ARHGAP39: variants seen among roughly 807,000 people sequenced by gnomAD.
ARHGAP39 encodes Rho GTPase activating protein 39.
Under a neutral mutation model 106.9 loss-of-function variants are expected in ARHGAP39, and 44 were observed. That is an observed-to-expected ratio of 0.41 (90% CI 0.32 to 0.53). ARHGAP39 has a LOEUF of 0.53. Ranked by LOEUF, ARHGAP39 falls within the 20% of genes least tolerant of loss-of-function variation. ARHGAP39 has a pLI of 0.21. For synonymous variants in ARHGAP39, 768 were observed against 693.2 expected, an observed-to-expected ratio of 1.11 and a Z score of -1.69; for missense variants, 1,496 against 1,577.3, an observed-to-expected ratio of 0.95 and a Z score of 0.87.
rs995235741 is a variant in ARHGAP39, at chr8:144,604,962, A to G, written c.80+573T>C. On this transcript the variant is annotated intron_variant, in intron 2 of 11. Coordinates refer to ENST00000377307, the MANE Select transcript of ARHGAP39 (RefSeq NM_025251.3). This position sits in a 1 kb window ranked among gnomAD's most constrained non-coding sequence, Gnocchi z 4.1. ...TTCTGGAAGCATGAAATTATTTCCA[A>G]ATAAAAGCCTAGAAATCAGGGCAGA... Among the ~76,000 whole-genome samples, 2 of 152,226 alleles carry G rather than the reference A, an allele frequency of 1.3e-5. No homozygotes were observed. The highest frequency in any genetic ancestry group is 4.8e-5 in the African/African-American group (2 of 41,466).
chr8:144,600,842 C>G (rs895845836), intron 2 of ARHGAP39, among the ~76,000 whole-genome samples: 6 of 146,566 alleles, frequency 4.1e-5, no homozygotes, highest in African/African-American at 1.5e-4. Context: ...TGTGTGTGCT[C>G]GTGTACCTGT....
Position 144,585,115 on chromosome 8 carries a change from C to T in ARHGAP39, c.81-3838G>A, listed in dbSNP as rs1266351052. On this transcript the variant is annotated intron_variant, in intron 2 of 11. Coordinates refer to ENST00000377307, the MANE Select transcript of ARHGAP39 (RefSeq NM_025251.3). The surrounding 1 kb of genome is among the most constrained non-coding windows in gnomAD (Gnocchi z 4.6). ...TCCAGGTGTCTGAAGGGCTTAGACG[C>T]CCTCTCCCGATTGGCCCTGTGTCCC... 6.6e-6 allele frequency among the ~76,000 whole-genome samples: 1 copy of T among 152,124 alleles called. No individual in the cohort carries two copies. The highest frequency in any genetic ancestry group is 1.5e-5 in the Non-Finnish European group (1 of 68,020).
chr8:144,580,605 C>G (rs1396787446), intron 3 of ARHGAP39, among the ~76,000 whole-genome samples: 1 of 151,718 alleles, frequency 6.6e-6, no homozygotes, highest in Non-Finnish European at 1.5e-5. Flanking sequence ...CCCACCATAC[C>G]TGACCTACTC....
At chr8:144,630,041 C>G (rs1821023200) in intron 1 of ARHGAP39, among the ~76,000 whole-genome samples, 1 of 152,212 alleles carries the variant, frequency 6.6e-6, no homozygotes. Flanking sequence ...CCAGCCCCAA[C>G]AGGCCCCTGG....
chr8:144,606,898 TC>T (rs1252610178), intron 1 of ARHGAP39, among the ~76,000 whole-genome samples: 1 of 151,494 alleles, frequency 6.6e-6, no homozygotes, highest in African/African-American at 2.4e-5. Flanking sequence ...GGCACAAATA[TC>T]TTAATTGGAC....
rs1005695293 is a variant in ARHGAP39, at chr8:144,573,181, T to C, written c.512+7665A>G. On this transcript the variant is annotated intron_variant, in intron 3 of 11. Transcript: ENST00000377307. ...GTGTTTATTGAAGCACTAGTCACAA[T>C]AGCAAAGACTTGGAACCAACCCAAA... Among the ~76,000 whole-genome samples, 17 of 152,296 alleles carry C rather than the reference T, an allele frequency of 1.1e-4. No individual in the cohort carries two copies. In the South Asian group the frequency reaches 1.9e-3, roughly 17 times the overall value.
intron 1 of ARHGAP39, among the ~76,000 whole-genome samples, chr8:144,624,630 CT>C (rs1820895634): frequency 1.7e-5 from 2 of 117,654 alleles, no homozygotes; most frequent in African/African-American, 6.5e-5. Flanking sequence ...TCACGGAGCA[CT>C]CACTGCACAC....
At chr8:144,605,429 A>C (rs895229539) in intron 2 of ARHGAP39, 106 bp downstream of exon 2, 1 of 1,234,998 alleles carries the variant, frequency 8.1e-7, no homozygotes, top group Admixed American at 1.9e-5. Flanking sequence ...CGACGAATCC[A>C]TTCTCCACGG....
intron 3 of ARHGAP39, among the ~76,000 whole-genome samples, chr8:144,572,205 C>CA (rs1348136673): frequency 2.7e-4 from 41 of 152,312 alleles, no homozygotes; most frequent in African/African-American, 8.7e-4. Flanking sequence ...CTGGAGGCAT[C>CA]ATGCTGCCTG....
chr8:144,620,769 G>A (rs376734729), intron 1 of ARHGAP39, among the ~76,000 whole-genome samples: 8 of 152,244 alleles, frequency 5.3e-5, no homozygotes, highest in South Asian at 4.1e-4. Flanking sequence ...ATCCACCTGC[G>A]TCTCCAGGAC....
At chr8:144,537,198 G>C (rs1385445441) in intron 7 of ARHGAP39, among the ~76,000 whole-genome samples, 1 of 152,088 alleles carries the variant, frequency 6.6e-6, no homozygotes, top group Non-Finnish European at 1.5e-5. Context: ...GGGTGCTGGT[G>C]GGGAGGGTGG....
chr8:144,551,314 G>A (rs1259064726), intron 4 of ARHGAP39, among the ~76,000 whole-genome samples: 1 of 152,198 alleles, frequency 6.6e-6, no homozygotes, highest in Non-Finnish European at 1.5e-5. Flanking sequence ...TCTCAGGAAC[G>A]GACATGGGTT....
At position 144,530,540 on chromosome 8, in the gene ARHGAP39, C is replaced by A; in HGVS notation, c.3227G>T (p.Cys1076Phe). Residue 1076 changes from cysteine to phenylalanine, a missense_variant, in exon 12 of 12, where the codon TGC becomes TTC. Cys to Phe is a radical substitution (Grantham distance 205, BLOSUM62 -2). Around this residue, in one of 4 missense-constraint regions of ARHGAP39, gnomAD observed 470 missense variants for 605.1 expected, o/e 0.78. Transcript: ENST00000377307. ...SNLAMVMAPN[C>F]LRCQSDDPRV... ...CGGGTCGTCGGACTGGCAGCGCAAG[C>A]AGTTGGGCGCCATCACCATGGCCAG... 6.2e-7 allele frequency: 1 copy of A among 1,611,766 alleles called. No homozygotes were observed. Among genetic ancestry groups the A allele is most frequent in the Non-Finnish European group, 8.5e-7 (1 of 1,179,680 alleles).
intron 3 of ARHGAP39, among the ~76,000 whole-genome samples, chr8:144,565,253 G>A (rs1173192410): frequency 6.6e-6 from 1 of 152,172 alleles, no homozygotes; most frequent in African/African-American, 2.4e-5. Flanking sequence ...ACTCCAGCCT[G>A]GGCAACGGCA....
chr8:144,636,352 T>C (rs1320052069), intron 1 of ARHGAP39, among the ~76,000 whole-genome samples: 2 of 152,162 alleles, frequency 1.3e-5, no homozygotes. Flanking sequence ...GGTAGGAAAA[T>C]GTAAACTCAC....
chr8:144,534,233 T>A, intron 7 of ARHGAP39, 31 bp from the exon 8 acceptor site: 1 of 1,606,704 alleles, frequency 6.2e-7, no homozygotes, highest in South Asian at 1.1e-5. Context: ...ATCAGCCTGA[T>A]GTGGGTGTGT....
chr8:144,697,315 C>CA, the ARHGAP39 span, among the ~76,000 whole-genome samples: 97 of 119,122 alleles, frequency 8.1e-4, no homozygotes, highest in Middle Eastern at 4.5e-3. Context: ...AGATCCCTCT[C>CA]AAAAAAAAAA....
intron 2 of ARHGAP39, among the ~76,000 whole-genome samples, chr8:144,600,204 C>T (rs894389436): frequency 4.4e-5 from 6 of 136,218 alleles, no homozygotes; most frequent in Admixed American, 7.3e-5. Context: ...CCTGCGTGTG[C>T]GTGTGTGTGG....
chr8:144,614,630 G>A (rs1239075728), intron 1 of ARHGAP39, among the ~76,000 whole-genome samples: 1 of 152,234 alleles, frequency 6.6e-6, no homozygotes. Context: ...TGGGATTACA[G>A]GTGTGAGCCA....
Sources: gnomAD v4.1 joint callset for allele counts (sites outside exome capture counted in the v4.1 genomes callset) on GRCh38, gnomAD v4.1.1 for gene constraint, gnomAD v4.1.1 regional missense constraint, Gnocchi (gnomAD v3.1) non-coding constraint, MANE v1.5 for transcripts, NCBI Gene and HGNC (gene_info 2026-07-23, HGNC 2026-07-21) for gene names.